BDP1: variants seen among roughly 807,000 people sequenced by gnomAD.
The protein encoded by BDP1 is BDP1 general transcription factor IIIB subunit.
BDP1 carries 169 observed loss-of-function variants against 266.6 expected under a neutral mutation model. That is an observed-to-expected ratio of 0.63 (90% CI 0.56 to 0.72). The LOEUF (loss-of-function observed/expected upper bound fraction) is 0.72. BDP1 is among the 30% of genes least tolerant of loss of function. The pLI, the probability that BDP1 is intolerant of heterozygous loss-of-function variation, is 0.00. For synonymous variants in BDP1, 1,090 were observed against 1,022.4 expected, an observed-to-expected ratio of 1.07 and a Z score of -1.26; for missense variants, 3,015 against 3,053.8, an observed-to-expected ratio of 0.99 and a Z score of 0.30.
At position 71,497,301 on chromosome 5, in the gene BDP1, A is replaced by G. The variant is rs776435545; in HGVS notation, c.1831A>G (p.Met611Val). The G allele has an allele frequency of 2.9e-5, 46 of 1,613,686 alleles. No homozygotes were observed. The highest frequency in any genetic ancestry group is 8.9e-5 in the East Asian group (4 of 44,846). The change falls in exon 13 of 39, where the codon ATG (methionine) becomes GTG (valine). Residue 611 changes from methionine (M) to valine (V), a missense_variant. Coordinates refer to ENST00000358731, the MANE Select transcript of BDP1 (RefSeq NM_018429.3). ...EIDQTENVKP[M>V]LRGRFQRPKP... is the part of the protein sequence containing the mutation. ...TGATCAAACAGAAAATGTTAAACCA[A>G]TGTTGAGAGGTCGCTTCCAAAGACC... is the stretch of plus-strand genomic sequence containing the variant.
chr5:71,529,562 G>A (rs992235900), intron 25 of BDP1, among the ~76,000 whole-genome samples: 5 of 152,274 alleles, frequency 3.3e-5, no homozygotes, highest in South Asian at 2.1e-4. Flanking sequence ...GTGTTGGTGC[G>A]TATCTATAAT....
intron 2 of BDP1, 111 bp from the exon 3 acceptor site, chr5:71,461,706 A>T (rs1482889660): frequency 1.2e-5 from 7 of 593,804 alleles, no homozygotes. Context: ...TGGGGTGAGA[A>T]TAATATTAAA....
chr5:71,501,833 C>CTTA (rs1764258933), intron 14 of BDP1, among the ~76,000 whole-genome samples, 180 bp downstream of exon 14: 1 of 151,970 alleles, frequency 6.6e-6, no homozygotes, highest in Non-Finnish European at 1.5e-5. Flanking sequence ...CTTGATATTG[C>CTTA]TTATATAAAT....
Position 71,470,405 on chromosome 5 carries a change from G to GTT in BDP1, c.937_938dup (p.Leu313PhefsTer2). The GTT allele has an allele frequency of 6.3e-7, 1 of 1,595,104 alleles. No individual in the cohort carries two copies. The highest frequency in any genetic ancestry group is 1.1e-5 in the South Asian group (1 of 88,418). Reference sequence around the variant, plus strand: ...CTTTTATTTTCACAGAAACAGATATGTTTTTTTTAGCCATCAGCATGGTAG... The same window carrying GTT: ...CTTTTATTTTCACAGAAACAGATATGTTTTTTTTTTAGCCATCAGCATGGTAG... On this transcript the variant is annotated frameshift_variant, in exon 7 of 39. Transcript: ENST00000358731. LOFTEE classifies it high-confidence loss of function.
In BDP1 at chr5:71,553,180, A is replaced by G; in HGVS notation, c.7060A>G (p.Asn2354Asp). The change falls in exon 35 of 39, where the codon AAT becomes GAT. Residue 2354 changes from asparagine (N) to aspartate (D), a missense_variant. Coordinates refer to ENST00000358731, the MANE Select transcript of BDP1 (RefSeq NM_018429.3). ...GGGTTTATCTATTTCTGGAAGAGAT[A>G]ATTCTAAAAAGCCGCCTGATAATTT... is the stretch of plus-strand genomic sequence containing the variant. ...AMGLSISGRDNSKKPPDNLDL... is the reference protein window; with the variant it reads ...AMGLSISGRDDSKKPPDNLDL... The G allele has an allele frequency of 1.2e-6, 2 of 1,613,358 alleles. No individual in the cohort carries two copies. The highest frequency in any genetic ancestry group is 1.1e-5 in the South Asian group (1 of 91,050).
chr5:71,553,376 G>GAGTGGTACTTAATATAC, intron 35 of BDP1, 56 bp downstream of exon 35: 3 of 1,228,660 alleles, frequency 2.4e-6, no homozygotes, highest in South Asian at 2.6e-5. Flanking sequence ...TGGCCATATT[G>GAGTGGTACTTAATATAC]CAACAGATCT....
intron 5 of BDP1, 43 bp from the exon 6 acceptor site, chr5:71,467,311 C>T: frequency 6.7e-7 from 1 of 1,487,440 alleles, no homozygotes; most frequent in Non-Finnish European, 9.2e-7. Flanking sequence ...TATTTGTTTC[C>T]TTGTTTTTAG....
intron 8 of BDP1, among the ~76,000 whole-genome samples, chr5:71,485,787 G>A (rs1218629935): frequency 1.3e-5 from 2 of 152,138 alleles, no homozygotes; most frequent in African/African-American, 4.8e-5. Context: ...AGAGTAAATG[G>A]TGAAATGGTT....
chr5:71,468,906 C>T (rs1762071407), intron 6 of BDP1, among the ~76,000 whole-genome samples: 1 of 152,062 alleles, frequency 6.6e-6, no homozygotes, highest in East Asian at 1.9e-4. Context: ...TGTGCCCAGC[C>T]AACAATACAA....
intron 25 of BDP1, among the ~76,000 whole-genome samples, chr5:71,530,675 T>C (rs1197597370): frequency 2.0e-5 from 3 of 152,152 alleles, no homozygotes; most frequent in Non-Finnish European, 4.4e-5. Context: ...TGTGCCCCCG[T>C]GCTCACTTGA....
chr5:71,525,175 C>CGGGCAGAGGGGCTACTCACTTCCCAGCAG (rs1561749885), intron 25 of BDP1, among the ~76,000 whole-genome samples: 28 of 152,104 alleles, frequency 1.8e-4, no homozygotes, highest in Non-Finnish European at 2.9e-5. Context: ...GGGTGGTGGC[C>CGGGCAGAGGGGCTACTCACTTCCCAGCAG]GGGCAGAGGG....
rs1448060835 is a variant in BDP1, at chr5:71,489,523, T to C, written c.1333T>C (p.Leu445=). ...AQTVEEESLT[L]SREDAEQVAL... ...GACAGTTGAAGAAGAGTCTCTGACC[T>C]TATCAAGGGAGGATGCAGAGCAGGT... is the stretch of plus-strand genomic sequence containing the variant. Residue 445 remains leucine (L), a synonymous_variant, in exon 10 of 39, where the codon TTA becomes CTA. Transcript: ENST00000358731. The C allele has an allele frequency of 2.5e-5, 41 of 1,613,966 alleles. No individual in the cohort carries two copies. In the East Asian group the frequency reaches 9.1e-4, roughly 36 times the overall value.
chr5:71,575,152 G>GA, the BDP1 span, among the ~76,000 whole-genome samples: 1 of 152,170 alleles, frequency 6.6e-6, no homozygotes, highest in African/African-American at 2.4e-5. Flanking sequence ...ACTTACAAAT[G>GA]AAAACTTTGA....
At chr5:71,526,689 T>TC (rs1373305309) in intron 25 of BDP1, among the ~76,000 whole-genome samples, 1 of 149,548 alleles carries the variant, frequency 6.7e-6, no homozygotes. Context: ...CTCTCTGTTT[T>TC]TTTTTTTTTT....
chr5:71,480,091 C>A (rs556011512), intron 7 of BDP1, among the ~76,000 whole-genome samples: 1 of 151,452 alleles, frequency 6.6e-6, no homozygotes, highest in African/African-American at 2.4e-5. Flanking sequence ...ACTACAGGTG[C>A]GCACCACCAT....
chr5:71,461,587 C>G (rs1358631325), intron 2 of BDP1, among the ~76,000 whole-genome samples: 1 of 152,016 alleles, frequency 6.6e-6, no homozygotes, highest in Non-Finnish European at 1.5e-5. Context: ...GCACTTTAGC[C>G]TGGATGACAG....
At chr5:71,483,982 A>G in intron 8 of BDP1, 86 bp downstream of exon 8, 1 of 1,162,582 alleles carries the variant, frequency 8.6e-7, no homozygotes, top group Non-Finnish European at 1.2e-6. Flanking sequence ...AGTGTGTTTT[A>G]GATTTGTTTT....
chr5:71,459,002 G>C (rs1415572389), intron 2 of BDP1, 147 bp downstream of exon 2: 1 of 693,568 alleles, frequency 1.4e-6, no homozygotes, highest in East Asian at 2.7e-5. Flanking sequence ...CTTGTTAATG[G>C]ATTGATTGAT....
rs564078344 is a variant in BDP1 at position 71,478,170 on chromosome 5, A to G, written c.1015-5672A>G. 2.6e-5 allele frequency among the ~76,000 whole-genome samples: 4 copies of G among 152,260 alleles called. No homozygotes were observed. The East Asian group carries it at 7.7e-4, about 29-fold the overall frequency. ...GAGGCTGAGGCAGGAGAGTCGCTTG[A>G]ACCCGGGAGGTGGAGGTTGCGATGG... On this transcript the variant is annotated intron_variant, in intron 7 of 38. Transcript: ENST00000358731.
Sources: allele counts gnomAD v4.1 joint callset (sites outside exome capture counted in the v4.1 genomes callset), GRCh38; gene constraint gnomAD v4.1.1; transcripts MANE v1.5; gene names NCBI Gene and HGNC (gene_info 2026-07-23, HGNC 2026-07-21).